Variants in PDE11A observed in about 807,000 individuals in gnomAD.
PDE11A encodes the protein phosphodiesterase 11A.
A neutral mutation model predicts 100.5 loss-of-function variants in PDE11A; 100 were observed. That is an observed-to-expected ratio of 1.00 (90% CI 0.85 to 1.18). The LOEUF (loss-of-function observed/expected upper bound fraction) is 1.18. Ranked by LOEUF, PDE11A falls within the 50% of genes most tolerant of loss-of-function variation. The pLI is 0.00. For synonymous variants in PDE11A, 381 were observed against 420.8 expected (o/e 0.91, Z 1.16); for missense variants, 1,141 against 1,152.6 (o/e 0.99, Z 0.15).
intron 4 of PDE11A, among the ~76,000 whole-genome samples, chr2:177,883,562 T>A (rs1379897743): frequency 6.6e-6 from 1 of 152,152 alleles, no homozygotes; most frequent in Non-Finnish European, 1.5e-5. Flanking sequence ...AAGGAAGTCT[T>A]CATGTGAACT....
chr2:177,924,281 G>A (rs2085095864), intron 2 of PDE11A, among the ~76,000 whole-genome samples: 1 of 152,114 alleles, frequency 6.6e-6, no homozygotes, highest in African/African-American at 2.4e-5. Flanking sequence ...AGCATCCATG[G>A]CCATGATCAA....
At chr2:177,646,304 G>T (rs2080222686) in intron 19 of PDE11A, among the ~76,000 whole-genome samples, 1 of 152,146 alleles carries the variant, frequency 6.6e-6, no homozygotes, top group African/African-American at 2.4e-5. Flanking sequence ...AATCTATTCT[G>T]TGGGCCACCT....
At chr2:177,735,697 T>C (rs2081769422) in intron 10 of PDE11A, among the ~76,000 whole-genome samples, 1 of 152,216 alleles carries the variant, frequency 6.6e-6, no homozygotes, top group Admixed American at 6.5e-5. Context: ...CTTGGACCCC[T>C]TGGCTGCCTA....
intron 2 of PDE11A, among the ~76,000 whole-genome samples, chr2:178,089,460 A>C (rs1574392760): frequency 6.6e-6 from 1 of 152,196 alleles, no homozygotes; most frequent in East Asian, 1.9e-4. Flanking sequence ...GCCAGGTGTA[A>C]GAGACAATTC....
intron 5 of PDE11A, among the ~76,000 whole-genome samples, chr2:177,867,713 G>A (rs1163941776): frequency 1.3e-5 from 2 of 152,112 alleles, no homozygotes; most frequent in East Asian, 1.9e-4. Context: ...GTGACAGAGC[G>A]AGACTCCGTC....
chr2:177,750,232 T>C (rs1230163395), intron 10 of PDE11A, among the ~76,000 whole-genome samples: 1 of 152,196 alleles, frequency 6.6e-6, no homozygotes, highest in Non-Finnish European at 1.5e-5. Flanking sequence ...TATGAATCTT[T>C]AGGAGCTCCC....
At chr2:178,054,125 A>G (rs2086867545) in intron 1 of PDE11A, among the ~76,000 whole-genome samples, 1 of 152,254 alleles carries the variant, frequency 6.6e-6, no homozygotes. Flanking sequence ...GAACCAAAAC[A>G]GCATGGTACT....
intron 1 of PDE11A, among the ~76,000 whole-genome samples, chr2:178,037,005 A>G (rs889551601): frequency 6.6e-6 from 1 of 152,234 alleles, no homozygotes; most frequent in African/African-American, 2.4e-5. Context: ...TTGCAACAAA[A>G]GCCAAAATTG....
chr2:178,045,774 C>T (rs1027471263), intron 1 of PDE11A, among the ~76,000 whole-genome samples: 20 of 152,194 alleles, frequency 1.3e-4, no homozygotes, highest in Admixed American at 5.9e-4. Flanking sequence ...TTGGGATCTT[C>T]GCACAAAAAT....
chr2:177,927,365 C>T (rs550505070), intron 2 of PDE11A, among the ~76,000 whole-genome samples: 44 of 152,172 alleles, frequency 2.9e-4, no homozygotes, highest in Non-Finnish European at 6.3e-4. Flanking sequence ...TCCTAAATGT[C>T]CAATATCCAA....
At chr2:177,751,852 T>C (rs749084415) in intron 10 of PDE11A, among the ~76,000 whole-genome samples, 5 of 152,104 alleles carry the variant, frequency 3.3e-5, no homozygotes, top group Non-Finnish European at 7.4e-5. Context: ...TACATACAGG[T>C]TTTTTCATAT....
chr2:177,824,130 G>A (rs186999243), intron 6 of PDE11A, among the ~76,000 whole-genome samples: 1 of 152,044 alleles, frequency 6.6e-6, no homozygotes, highest in East Asian at 1.9e-4. Context: ...GTGGGAGTAT[G>A]CACTCTCCCA....
rs138397701 is a variant in PDE11A at position 177,763,468 on chromosome 2, A to G, written c.1788+5855T>C. On this transcript the variant is annotated intron_variant, in intron 10 of 19. Transcript: ENST00000286063. ...TTTCAGGAAGGCCATGAGAACTGAG[A>G]CTGTAGATAAACAAGACAAAGCTCC... is the stretch of plus-strand genomic sequence containing the variant. 3.9e-3 allele frequency among the ~76,000 whole-genome samples: 588 copies of G among 152,288 alleles called. 2 individuals are homozygous for G. Among genetic ancestry groups the G allele is most frequent in the South Asian group, 9.3e-3 (45 of 4,830 alleles).
intron 12 of PDE11A, among the ~76,000 whole-genome samples, chr2:177,722,436 A>G (rs572077624): frequency 1.3e-5 from 2 of 152,106 alleles, no homozygotes; most frequent in Non-Finnish European, 2.9e-5. Flanking sequence ...CTTCTGCCCA[A>G]TTGTATGTTT....
chr2:177,936,738 T>C (rs2085278541), intron 2 of PDE11A, among the ~76,000 whole-genome samples: 1 of 152,156 alleles, frequency 6.6e-6, no homozygotes, highest in Non-Finnish European at 1.5e-5. Flanking sequence ...CTGGCCAACA[T>C]GGTGAAACCC....
chr2:177,718,755 A>G, intron 12 of PDE11A, among the ~76,000 whole-genome samples: 1 of 152,200 alleles, frequency 6.6e-6, no homozygotes, highest in East Asian at 1.9e-4. Flanking sequence ...CATAAAGAAC[A>G]TTTGTTTATA....
intron 1 of PDE11A, 97 bp from the exon 2 acceptor site, chr2:178,014,557 G>T: frequency 1.1e-6 from 1 of 892,158 alleles, no homozygotes; most frequent in Non-Finnish European, 1.8e-6. Context: ...TTATCACTGG[G>T]AACTAGCCCC....
At chr2:178,105,716 T>C in intron 1 of PDE11A, 1 of 1,068,060 alleles carries the variant, frequency 9.4e-7, no homozygotes, top group Non-Finnish European at 1.3e-6. Flanking sequence ...GGCATAGGTC[T>C]CACCTGCAGC....
chr2:177,997,817 G>T, intron 2 of PDE11A: 2 of 1,301,862 alleles, frequency 1.5e-6, no homozygotes, highest in South Asian at 1.2e-5. Context: ...GGAGGGAGGG[G>T]CATGTATTCC....
Sources: gnomAD v4.1 joint callset for allele counts (sites outside exome capture counted in the v4.1 genomes callset) on GRCh38, gnomAD v4.1.1 for gene constraint, MANE v1.5 for transcripts, NCBI Gene and HGNC (gene_info 2026-07-23, HGNC 2026-07-21) for gene names.